Variants in KLHL4 observed in about 807,000 individuals in gnomAD.
KLHL4 encodes the protein kelch-like protein 4.
In KLHL4, 17 loss-of-function variants were observed where a neutral mutation model predicts 45.8. The observed-to-expected ratio is 0.37, with a 90% CI of 0.25 to 0.56. KLHL4 has a LOEUF of 0.56. KLHL4 is among the 20% of genes least tolerant of loss of function. The probability of loss-of-function intolerance (pLI) is 0.79; values close to 1 mark genes in which losing one functional copy is unlikely to be tolerated. For missense variants in KLHL4, 544 were observed against 544.9 expected (o/e 1.00, Z 0.02); for synonymous variants, 224 against 189.9 (o/e 1.18, Z -1.47).
chrX:87,614,628 TTAG>T (rs1465758218), intron 3 of KLHL4, 58 bp downstream of exon 3: 74 of 1,013,364 alleles, frequency 7.3e-5, no homozygotes, highest in African/African-American at 2.3e-4. Flanking sequence ...CACATTATTA[TTAG>T]TAGTAGTAGT....
intron 9 of KLHL4, among the ~76,000 whole-genome samples, chrX:87,652,821 C>T (rs998271499): frequency 8.9e-6 from 1 of 112,008 alleles, no homozygotes; most frequent in Non-Finnish European, 1.9e-5. Context: ...TTCAGCAGTG[C>T]CCCACTCTAC....
At chrX:87,534,758 A>G (rs1931393781) in intron 1 of KLHL4, among the ~76,000 whole-genome samples, 1 of 112,058 alleles carries the variant, frequency 8.9e-6, no homozygotes, top group South Asian at 3.7e-4. Context: ...TATTCAGGAT[A>G]ACTAAGATGG....
At chrX:87,543,581 T>C (rs866229754) in intron 1 of KLHL4, among the ~76,000 whole-genome samples, 23 of 111,023 alleles carry the variant, frequency 2.1e-4, no homozygotes, top group Middle Eastern at 4.6e-3. Flanking sequence ...TTATAAGGCA[T>C]TGAACTCACT....
intron 1 of KLHL4, among the ~76,000 whole-genome samples, chrX:87,612,284 G>A (rs1263529610): frequency 9.0e-6 from 1 of 111,309 alleles, no homozygotes; most frequent in South Asian, 3.8e-4. Flanking sequence ...GTTCTATGCC[G>A]GTATTCCATT....
chrX:87,595,304 C>G (rs111909272), intron 1 of KLHL4, among the ~76,000 whole-genome samples: 3 of 111,276 alleles, frequency 2.7e-5, no homozygotes, highest in African/African-American at 9.8e-5. Context: ...TTCTTTATAA[C>G]TGTTGATTTG....
At chrX:87,571,491 G>C (rs923790753) in intron 1 of KLHL4, among the ~76,000 whole-genome samples, 5 of 110,999 alleles carry the variant, frequency 4.5e-5, no homozygotes, top group African/African-American at 1.6e-4. Context: ...CTGCTACTGG[G>C]AAAATAATTT....
intron 1 of KLHL4, among the ~76,000 whole-genome samples, chrX:87,540,746 C>T (rs1931533080): frequency 9.0e-6 from 1 of 111,478 alleles, no homozygotes. Flanking sequence ...ATAAACTCTA[C>T]CATAATGATA....
At chrX:87,552,692 A>G (rs951996253) in intron 1 of KLHL4, among the ~76,000 whole-genome samples, 2 of 47,859 alleles carry the variant, frequency 4.2e-5, no homozygotes, top group East Asian at 1.7e-3. Context: ...AAACTGTTAA[A>G]TTATATATAT....
At chrX:87,603,852 T>C in intron 1 of KLHL4, among the ~76,000 whole-genome samples, 1 of 110,119 alleles carries the variant, frequency 9.1e-6, no homozygotes, top group Non-Finnish European at 1.9e-5. Context: ...AATTGTCACA[T>C]TGTACCTTTT....
intron 1 of KLHL4, among the ~76,000 whole-genome samples, chrX:87,596,978 G>C (rs756726639): frequency 1.8e-5 from 2 of 112,262 alleles, no homozygotes; most frequent in African/African-American, 3.2e-5. Flanking sequence ...GAAAGAGATT[G>C]GTTTTGTTTA....
intron 1 of KLHL4, among the ~76,000 whole-genome samples, chrX:87,613,636 G>T (rs1255651870): frequency 2.7e-5 from 3 of 111,441 alleles, no homozygotes; most frequent in African/African-American, 9.8e-5. Context: ...CATAGTTCTG[G>T]TTACATTTCA....
At chrX:87,565,975 G>A (rs182153397) in intron 1 of KLHL4, among the ~76,000 whole-genome samples, 38 of 110,341 alleles carry the variant, frequency 3.4e-4, no homozygotes, top group African/African-American at 1.2e-3. Flanking sequence ...GGTGGGGGGC[G>A]AGAGGAGAGA....
At chrX:87,605,969 T>C (rs1922181318) in intron 1 of KLHL4, among the ~76,000 whole-genome samples, 1 of 111,510 alleles carries the variant, frequency 9.0e-6, no homozygotes, top group African/African-American at 3.2e-5. Flanking sequence ...TAAATACTTT[T>C]TCTGTGTCTA....
intron 1 of KLHL4, among the ~76,000 whole-genome samples, chrX:87,544,839 C>T (rs1435071894): frequency 9.0e-6 from 1 of 111,491 alleles, no homozygotes; most frequent in African/African-American, 3.3e-5. Flanking sequence ...AGGATGGCTA[C>T]AAATAAGTCC....
At chrX:87,555,754 C>T (rs1253630062) in intron 1 of KLHL4, among the ~76,000 whole-genome samples, 1 of 107,542 alleles carries the variant, frequency 9.3e-6, no homozygotes, top group African/African-American at 3.4e-5. Context: ...TTCTTGCCTT[C>T]TGCTAGCTTT....
chrX:87,593,814 C>T (rs181166077), intron 1 of KLHL4, among the ~76,000 whole-genome samples: 1 of 111,354 alleles, frequency 9.0e-6, no homozygotes, highest in African/African-American at 3.3e-5. Flanking sequence ...CCAGCAATAC[C>T]TAACATAAAT....
At chrX:87,624,212 C>T (rs957002024) in intron 5 of KLHL4, among the ~76,000 whole-genome samples, 1 of 112,096 alleles carries the variant, frequency 8.9e-6, no homozygotes, top group Non-Finnish European at 1.9e-5. Flanking sequence ...CCAACAGTAC[C>T]GTGGTAGCCC....
chrX:87,566,326 T>C (rs1467038317), intron 1 of KLHL4, among the ~76,000 whole-genome samples: 1 of 110,361 alleles, frequency 9.1e-6, no homozygotes, highest in Non-Finnish European at 1.9e-5. Context: ...AAAAAATCAT[T>C]GAAAAAAAAT....
chrX:87,565,935 G>A (rs867915597), intron 1 of KLHL4, among the ~76,000 whole-genome samples: 1 of 109,502 alleles, frequency 9.1e-6, no homozygotes, highest in African/African-American at 3.3e-5. Flanking sequence ...CCCAACTGAG[G>A]GGAACAACAC....
Sources: allele counts gnomAD v4.1 joint callset (sites outside exome capture counted in the v4.1 genomes callset), GRCh38; gene constraint gnomAD v4.1.1; transcripts MANE v1.5; gene names NCBI Gene and HGNC (gene_info 2026-07-23, HGNC 2026-07-21).